Variants in DPP10 observed in about 807,000 individuals in gnomAD.
The protein encoded by DPP10 is dipeptidyl peptidase like 10, also known as inactive dipeptidyl peptidase 10.
A neutral mutation model predicts 120.9 loss-of-function variants in DPP10; 33 were observed. The ratio of observed to expected loss-of-function variants is 0.27; its 90% CI spans 0.21 to 0.37. DPP10 has a LOEUF of 0.37. DPP10 is among the 10% of genes least tolerant of loss of function. The probability of loss-of-function intolerance (pLI) is 1.00; values close to 1 mark genes in which losing one functional copy is unlikely to be tolerated. For missense variants in DPP10, 816 were observed against 942.8 expected (o/e 0.87, Z 1.76); for synonymous variants, 337 against 326.1 (o/e 1.03, Z -0.36).
At chr2:115,672,353 C>T (rs2089939989) in intron 5 of DPP10, among the ~76,000 whole-genome samples, 1 of 151,826 alleles carries the variant, frequency 6.6e-6, no homozygotes, top group Non-Finnish European at 1.5e-5. Context: ...CTAATCAGGT[C>T]ATTTTGTTTG....
chr2:115,682,998 A>G (rs1236051569), intron 5 of DPP10, among the ~76,000 whole-genome samples: 2 of 151,900 alleles, frequency 1.3e-5, no homozygotes, highest in African/African-American at 4.8e-5. Flanking sequence ...GGACCGCATC[A>G]TGCTGCCTAT....
At chr2:115,071,480 T>C (rs964185954) in intron 1 of DPP10, among the ~76,000 whole-genome samples, 4 of 152,042 alleles carry the variant, frequency 2.6e-5, no homozygotes, top group African/African-American at 9.7e-5. Flanking sequence ...CCAAGCAACA[T>C]TGGGGGTTTA....
chr2:115,051,855 A>C (rs1705509223), intron 1 of DPP10, among the ~76,000 whole-genome samples: 1 of 152,106 alleles, frequency 6.6e-6, no homozygotes, highest in African/African-American at 2.4e-5. Flanking sequence ...AATGATAAGC[A>C]TGTGAGGTAA....
intron 1 of DPP10, among the ~76,000 whole-genome samples, chr2:115,048,442 C>T (rs1419043570): frequency 1.3e-5 from 2 of 152,046 alleles, no homozygotes; most frequent in African/African-American, 4.8e-5. Context: ...TTCAAAATTG[C>T]TTCTTTCAAA....
intron 17 of DPP10, among the ~76,000 whole-genome samples, chr2:115,784,425 A>G (rs1312603926): frequency 6.6e-6 from 1 of 152,258 alleles, no homozygotes; most frequent in East Asian, 1.9e-4. Flanking sequence ...AACTACTGCC[A>G]TGTAATTTTT....
At chr2:114,528,892 T>G (rs1013611106) in intron 1 of DPP10, among the ~76,000 whole-genome samples, 1 of 152,020 alleles carries the variant, frequency 6.6e-6, no homozygotes, top group African/African-American at 2.4e-5. Context: ...TCTTTACATA[T>G]GGACAATGGG....
intron 8 of DPP10, among the ~76,000 whole-genome samples, chr2:115,735,775 C>T (rs1287952154): frequency 2.0e-5 from 3 of 149,918 alleles, no homozygotes; most frequent in African/African-American, 4.9e-5. Flanking sequence ...TCAGGTGATC[C>T]GCCCACCTCG....
chr2:115,019,461 A>G (rs1300176178), intron 1 of DPP10, among the ~76,000 whole-genome samples: 2 of 152,134 alleles, frequency 1.3e-5, no homozygotes, highest in Non-Finnish European at 2.9e-5. Flanking sequence ...ACCCAATCCA[A>G]CAAAAACAAG....
At chr2:114,707,293 A>G (rs184440630) in intron 1 of DPP10, 2 of 152,354 alleles carry the variant, frequency 1.3e-5, no homozygotes, top group East Asian at 3.9e-4. Context: ...TCTACACTTA[A>G]GTGGACTCTT....
intron 1 of DPP10, among the ~76,000 whole-genome samples, chr2:114,538,964 A>G (rs1686733900): frequency 6.6e-6 from 1 of 152,140 alleles, no homozygotes; most frequent in Non-Finnish European, 1.5e-5. Flanking sequence ...CCAACTGCCA[A>G]AGAGCTGAGA....
Position 114,880,954 on chromosome 2 carries a change from A to G in DPP10, c.61-428285A>G, listed in dbSNP as rs752568134. On this transcript the variant is annotated intron_variant, in intron 1 of 25. Coordinates refer to ENST00000410059, the MANE Select transcript of DPP10 (RefSeq NM_020868.6). ...GGGCTAGACTGGAGCAAGGACACGA[A>G]CTAGCAGCTGTCTTAAGTCAGTACT... 2.0e-5 allele frequency among the ~76,000 whole-genome samples: 3 copies of G among 152,134 alleles called. No homozygotes were observed. The East Asian group carries it at 5.8e-4, about 29-fold the overall frequency.
intron 5 of DPP10, among the ~76,000 whole-genome samples, chr2:115,545,219 A>G (rs1347386040): frequency 6.6e-6 from 1 of 152,178 alleles, no homozygotes; most frequent in Non-Finnish European, 1.5e-5. Flanking sequence ...AGACAGACAT[A>G]TATCTTGATC....
At chr2:114,964,721 G>A (rs756428306) in intron 1 of DPP10, among the ~76,000 whole-genome samples, 1 of 152,152 alleles carries the variant, frequency 6.6e-6, no homozygotes, top group Non-Finnish European at 1.5e-5. Flanking sequence ...TGGAGCAGCA[G>A]ATCACATGGA....
At chr2:115,647,140 A>G (rs545100507) in intron 5 of DPP10, among the ~76,000 whole-genome samples, 49 of 152,320 alleles carry the variant, frequency 3.2e-4, no homozygotes, top group African/African-American at 1.0e-3. Flanking sequence ...AGATGGAAAC[A>G]TGGAAGGTTA....
intron 7 of DPP10, among the ~76,000 whole-genome samples, chr2:115,698,255 TTCTC>T (rs1391098450): frequency 6.6e-6 from 1 of 152,168 alleles, no homozygotes; most frequent in African/African-American, 2.4e-5. Context: ...TTAGAAAACA[TTCTC>T]TCAACCAGTG....
chr2:114,849,592 TC>T (rs1278455716), intron 1 of DPP10, among the ~76,000 whole-genome samples: 1 of 152,092 alleles, frequency 6.6e-6, no homozygotes, highest in East Asian at 1.9e-4. Context: ...ACTCAAGTGA[TC>T]CTCCCACTTT....
chr2:114,495,091 TAC>T (rs944845958), intron 1 of DPP10, among the ~76,000 whole-genome samples: 1 of 152,174 alleles, frequency 6.6e-6, no homozygotes, highest in African/African-American at 2.4e-5. Context: ...CTGAAAAAGT[TAC>T]AGTTTTATTT....
At chr2:114,674,480 A>G (rs1252971226) in intron 1 of DPP10, among the ~76,000 whole-genome samples, 1 of 152,160 alleles carries the variant, frequency 6.6e-6, no homozygotes, top group Non-Finnish European at 1.5e-5. Flanking sequence ...GAATTCTCAA[A>G]ACGAAGGAAA....
chr2:114,568,431 C>T (rs1689378755), intron 1 of DPP10, among the ~76,000 whole-genome samples: 1 of 152,090 alleles, frequency 6.6e-6, no homozygotes, highest in African/African-American at 2.4e-5. Context: ...TTTTGTGATG[C>T]TTGAACGAAG....
Sources: allele counts gnomAD v4.1 joint callset (sites outside exome capture counted in the v4.1 genomes callset), GRCh38; gene constraint gnomAD v4.1.1; transcripts MANE v1.5; gene names NCBI Gene and HGNC (gene_info 2026-07-23, HGNC 2026-07-21).